Variants in SUN2 observed in about 807,000 individuals in gnomAD.
The protein encoded by SUN2 is Sad1 and UNC84 domain containing 2, also known as SUN domain-containing protein 2.
A neutral mutation model predicts 100.0 loss-of-function variants in SUN2; 60 were observed. The observed-to-expected ratio is 0.60, with a 90% CI of 0.49 to 0.74. SUN2 has a LOEUF of 0.74. Among genes scored for constraint, SUN2 ranks in the 30% least tolerant of loss-of-function variants. The pLI, the probability that SUN2 is intolerant of heterozygous loss-of-function variation, is 0.00. For missense variants in SUN2, 834 were observed against 954.6 expected (o/e 0.87, Z 1.66); for synonymous variants, 367 against 403.3 (o/e 0.91, Z 1.08).
In SUN2 at chr22:38,740,158, G is replaced by C; in HGVS notation, c.1356+109C>G. The C allele has an allele frequency of 1.5e-6, 2 of 1,374,524 alleles. No individual in the cohort carries two copies. Among genetic ancestry groups the C allele is most frequent in the South Asian group, 3.0e-5 (2 of 67,076 alleles). 85.1% of individuals were successfully genotyped at this position (1,374,524 alleles called of 1,614,324 possible). ...TCAAGGCCAACGCCACAGTCTCTTGGGCATAACAGAGGCTGCAGGGGCAAG... is the reference window on the plus strand; with the variant it reads ...TCAAGGCCAACGCCACAGTCTCTTGCGCATAACAGAGGCTGCAGGGGCAAG... On this transcript the variant is annotated intron_variant, in intron 12 of 17. Coordinates refer to ENST00000689035, the MANE Select transcript of SUN2 (RefSeq NM_015374.3). The surrounding 1 kb of genome is among the most constrained non-coding windows in gnomAD (Gnocchi z 4.8).
chr22:38,750,861 C>T (rs2092939570), intron 4 of SUN2, 37 bp downstream of exon 4: 1 of 1,610,256 alleles, frequency 6.2e-7, no homozygotes, highest in South Asian at 1.1e-5. Context: ...CTCCCAGCAG[C>T]CTCGGATCTG....
chr22:38,745,649 T>C (rs370963080), intron 8 of SUN2, 35 bp downstream of exon 8: 21 of 1,609,802 alleles, frequency 1.3e-5, no homozygotes, highest in African/African-American at 1.2e-4. Context: ...TAATTATTGC[T>C]AAGCTCTTGG....
In SUN2 at chr22:38,749,785, CAAG is replaced by C. The variant is rs1303689359; in HGVS notation, c.592_594del (p.Leu198del). On this transcript the variant is annotated inframe_deletion, in exon 6 of 18. Coordinates refer to ENST00000689035, the MANE Select transcript of SUN2 (RefSeq NM_015374.3). ...GCTCACCTGGTTAAAACGAAGACGT[CAAG>C]GAGGGAGGCAGCTGTGGTCAGGCGG... 3 of 1,614,034 alleles carry C rather than the reference CAAG, an allele frequency of 1.9e-6. No individual in the cohort carries two copies. The highest frequency in any genetic ancestry group is 1.3e-5 in the African/African-American group (1 of 74,938).
intron 8 of SUN2, 69 bp downstream of exon 8, chr22:38,745,615 G>T (rs1238140148): frequency 1.3e-6 from 2 of 1,582,580 alleles, no homozygotes; most frequent in Non-Finnish European, 8.6e-7. Context: ...GGCTGAGGGC[G>T]CACCCACCAC....
rs1318955450 is a variant in SUN2, at chr22:38,738,975, G to A, written c.1677C>T (p.Ile559=). 2 of 1,611,252 alleles carry A rather than the reference G, an allele frequency of 1.2e-6. No homozygotes were observed. The highest frequency in any genetic ancestry group is 1.7e-6 in the Non-Finnish European group (2 of 1,178,848). The change falls in exon 15 of 18, where the codon ATC becomes ATT. Residue 559 remains isoleucine, a synonymous_variant. Coordinates refer to ENST00000689035, the MANE Select transcript of SUN2 (RefSeq NM_015374.3). The surrounding 1 kb of genome is among the most constrained non-coding windows in gnomAD (Gnocchi z 6.6). ...YALESGGASV[I]STRCSETYET... ...CGTAGGTCTCAGAACATCGGGTGCT[G>A]ATGACGCTGGCCCCTGAGACAGGAG... is the stretch of plus-strand genomic sequence containing the variant.
At position 38,738,848 on chromosome 22, in the gene SUN2, G is replaced by T; in HGVS notation, c.1779+25C>A. 6.3e-7 allele frequency: 1 copy of T among 1,595,908 alleles called. No individual in the cohort carries two copies. The highest frequency in any genetic ancestry group is 1.3e-5 in the African/African-American group (1 of 74,776). ...AGCCCTCAGTGTGCTCAGAGCCCCC[G>T]CTGCTGTGCTTGCCAGGTGCCCACC... On this transcript the variant is annotated intron_variant, in intron 15 of 17. Coordinates refer to ENST00000689035, the MANE Select transcript of SUN2 (RefSeq NM_015374.3). This position sits in a 1 kb window ranked among gnomAD's most constrained non-coding sequence, Gnocchi z 6.6.
chr22:38,738,060 G>A lies in SUN2; in HGVS notation c.2040+113C>T. On this transcript the variant is annotated intron_variant, in intron 17 of 17. Coordinates refer to ENST00000689035, the MANE Select transcript of SUN2 (RefSeq NM_015374.3). The surrounding 1 kb of genome is among the most constrained non-coding windows in gnomAD (Gnocchi z 6.6). ...TCACATCTTGAGCTGTGGGAAAGGA[G>A]AGCAGGGCTTCCCTCTCTGAACCCC... The A allele has an allele frequency of 1.1e-6, 1 of 937,308 alleles. No homozygotes were observed. The allele number at this position is 937,308 out of a possible 1,614,324, so 58.1% of individuals were successfully genotyped here. A position where few individuals can be genotyped will look rare whatever the true frequency, so the allele number is the denominator to read the frequency against.
Position 38,737,825 on chromosome 22 carries a change from G to T in SUN2, c.2040+348C>A. 2 of 492,682 alleles carry T rather than the reference G, an allele frequency of 4.1e-6. No homozygotes were observed. Among genetic ancestry groups the T allele is most frequent in the Non-Finnish European group, 8.0e-6 (2 of 249,244 alleles). 30.5% of individuals were successfully genotyped at this position (492,682 alleles called of 1,614,324 possible). ...CATGCACTGCCTGAGGCTCCAGCTG[G>T]CCATGGTAGAATGCCCGCGCCCTGG... On this transcript the variant is annotated intron_variant, in intron 17 of 17. Transcript: ENST00000689035. This position sits in a 1 kb window ranked among gnomAD's most constrained non-coding sequence, Gnocchi z 4.1.
At position 38,745,718 on chromosome 22, in the gene SUN2, C is replaced by T. The variant is rs1294996365; in HGVS notation, c.779G>A (p.Gly260Asp). The change falls in exon 8 of 18, where the codon GGC (glycine) becomes GAC (aspartate). Residue 260 changes from glycine (G) to aspartate (D), a missense_variant. Coordinates refer to ENST00000689035, the MANE Select transcript of SUN2 (RefSeq NM_015374.3). ...TGGCGATGAGTCTCTGGCTTCCCAGCCCTCATCCGGCCTCCTGCTGTCCTT... is the reference window on the plus strand; with the variant it reads ...TGGCGATGAGTCTCTGGCTTCCCAGTCCTCATCCGGCCTCCTGCTGTCCTT... ...AAKDSRRPDE[G>D]WEARDSSPHF... is the part of the protein sequence containing the mutation. 9.3e-6 allele frequency: 15 copies of T among 1,613,858 alleles called. No individual in the cohort carries two copies. The highest frequency in any genetic ancestry group is 1.3e-5 in the Non-Finnish European group (15 of 1,180,022).
intron 4 of SUN2, 161 bp from the exon 5 acceptor site, chr22:38,750,481 C>T (rs1224741076): frequency 1.4e-6 from 2 of 1,418,860 alleles, no homozygotes; most frequent in Non-Finnish European, 1.9e-6. Flanking sequence ...AGCTCTTTGA[C>T]ATTCTGTTTC....
At chr22:38,741,365 A>C in intron 10 of SUN2, 129 bp downstream of exon 10, 1 of 948,914 alleles carries the variant, frequency 1.1e-6, no homozygotes, top group Non-Finnish European at 1.6e-6. Flanking sequence ...CAGAGAAGTC[A>C]GAGGAGGGCA....
intron 1 of SUN2, among the ~76,000 whole-genome samples, chr22:38,753,653 T>C (rs890934153): frequency 2.0e-5 from 3 of 152,178 alleles, no homozygotes. Flanking sequence ...CTTGGTAAGA[T>C]GATGATAAAA....
intron 6 of SUN2, 145 bp from the exon 7 acceptor site, chr22:38,748,928 C>T (rs1410238612): frequency 1.3e-6 from 1 of 772,380 alleles, no homozygotes; most frequent in African/African-American, 1.7e-5. Context: ...TCTCACTGTG[C>T]CAGGGCCAGC....
intron 7 of SUN2, among the ~76,000 whole-genome samples, chr22:38,746,491 CT>C (rs948976240): frequency 5.9e-4 from 90 of 152,312 alleles, no homozygotes; most frequent in African/African-American, 1.9e-3. Context: ...CCATTCGCTA[CT>C]CAAGCACCAG....
chr22:38,747,337 A>AG (rs2092912118), intron 7 of SUN2, among the ~76,000 whole-genome samples: 1 of 151,908 alleles, frequency 6.6e-6, no homozygotes, highest in Admixed American at 6.6e-5. Context: ...GTCTCAAAAA[A>AG]AAAAAAAAAA....
At chr22:38,753,189 C>T (rs1043675383) in intron 1 of SUN2, among the ~76,000 whole-genome samples, 3 of 150,702 alleles carry the variant, frequency 2.0e-5, no homozygotes, top group South Asian at 2.1e-4. Flanking sequence ...AAACCTTTCC[C>T]ATGTAGACCC....
chr22:38,745,537 C>T, intron 8 of SUN2, 147 bp downstream of exon 8: 2 of 1,085,596 alleles, frequency 1.8e-6, no homozygotes, highest in Non-Finnish European at 2.6e-6. Flanking sequence ...CCTTTTCTTT[C>T]TGTTTTCTGT....
intron 9 of SUN2, 105 bp from the exon 10 acceptor site, chr22:38,741,676 C>A: frequency 1.9e-6 from 2 of 1,071,830 alleles, no homozygotes; most frequent in East Asian, 2.5e-5. Context: ...CTGTTTGCTT[C>A]CAGAGCCCTG....
chr22:38,747,003 C>T (rs761901382), intron 7 of SUN2, among the ~76,000 whole-genome samples: 1 of 145,102 alleles, frequency 6.9e-6, no homozygotes, highest in South Asian at 2.2e-4. Flanking sequence ...GACTGCACTC[C>T]AGCCTGGGCG....
Sources: gnomAD v4.1 joint callset for allele counts (sites outside exome capture counted in the v4.1 genomes callset) on GRCh38, gnomAD v4.1.1 for gene constraint, Gnocchi (gnomAD v3.1) non-coding constraint, MANE v1.5 for transcripts, NCBI Gene and HGNC (gene_info 2026-07-23, HGNC 2026-07-21) for gene names.